SYNPR: variants seen among roughly 807,000 people sequenced by gnomAD.
The protein encoded by SYNPR is synaptoporin.
A neutral mutation model predicts 32.9 loss-of-function variants in SYNPR; 23 were observed. The observed-to-expected ratio is 0.70, with a 90% CI of 0.50 to 0.99. The LOEUF (loss-of-function observed/expected upper bound fraction) is 0.99. SYNPR is among the 50% of genes least tolerant of loss of function. The pLI is 0.00. For synonymous variants in SYNPR, 146 were observed against 135.9 expected, an observed-to-expected ratio of 1.07 and a Z score of -0.52; for missense variants, 318 against 349.3, an observed-to-expected ratio of 0.91 and a Z score of 0.71.
At chr3:63,367,689 T>C (rs909176572) in intron 2 of SYNPR, among the ~76,000 whole-genome samples, 1 of 152,178 alleles carries the variant, frequency 6.6e-6, no homozygotes, top group Admixed American at 6.5e-5. Flanking sequence ...ATTCATGAGC[T>C]AGTTACCAAT....
chr3:63,532,452 G>A (rs560583360), intron 3 of SYNPR, among the ~76,000 whole-genome samples: 63 of 152,278 alleles, frequency 4.1e-4, no homozygotes, highest in South Asian at 2.9e-3. Context: ...TCCTTTCTCT[G>A]CTAAAATAAA....
At chr3:63,414,830 T>C (rs182484296) in intron 2 of SYNPR, among the ~76,000 whole-genome samples, 3 of 152,232 alleles carry the variant, frequency 2.0e-5, no homozygotes, top group African/African-American at 7.2e-5. Flanking sequence ...GTGTTTATGC[T>C]GAAGTCTTCT....
chr3:63,545,693 T>A lies in SYNPR; in HGVS notation c.210-10850T>A, dbSNP rs550261393. On this transcript the variant is annotated intron_variant, in intron 3 of 5. Transcript: ENST00000478300. The stretch of plus-strand genomic sequence containing the variant: ...AGCAAACAGTATATTAAAGATTGTG[T>A]TTAATTTCAGTGTTTTAAGTTGTTA... Among the ~76,000 whole-genome samples the A allele has an allele frequency of 1.4e-4, 22 of 152,250 alleles. No individual in the cohort carries two copies. In the South Asian group the frequency reaches 4.1e-3, roughly 29 times the overall value.
Position 63,615,269 on chromosome 3 carries a change from T to C in SYNPR, c.646T>C (p.Phe216Leu). Residue 216 changes from phenylalanine to leucine, a missense_variant, in exon 6 of 6, where the codon TTT (phenylalanine) becomes CTT (leucine). Transcript: ENST00000478300. ...TATTCTCTGGGCTGGAAACATATGG[T>C]TTGTTTTCAAGGAGACCGGCTGGCA... ...NFILWAGNIW[F>L]VFKETGWHSS... 1 of 1,613,808 alleles carries C rather than the reference T, an allele frequency of 6.2e-7. No homozygotes were observed. The highest frequency in any genetic ancestry group is 8.5e-7 in the Non-Finnish European group (1 of 1,179,782).
intron 3 of SYNPR, among the ~76,000 whole-genome samples, chr3:63,519,295 G>A (rs923212130): frequency 5.3e-5 from 8 of 152,098 alleles, no homozygotes; most frequent in African/African-American, 1.9e-4. Flanking sequence ...ATATAATTGT[G>A]AAACCATGAA....
the SYNPR span, among the ~76,000 whole-genome samples, chr3:63,209,771 G>A: frequency 6.6e-6 from 1 of 152,094 alleles, no homozygotes; most frequent in African/African-American, 2.4e-5. Flanking sequence ...CACGCTCATA[G>A]CATCCTAAAC....
At chr3:63,463,606 T>C (rs1159161576) in intron 2 of SYNPR, among the ~76,000 whole-genome samples, 1 of 152,184 alleles carries the variant, frequency 6.6e-6, no homozygotes, top group Non-Finnish European at 1.5e-5. Context: ...GGTTGGTCTG[T>C]TAGAGAATCC....
At chr3:63,382,545 G>A (rs1238405365) in intron 2 of SYNPR, among the ~76,000 whole-genome samples, 2 of 152,192 alleles carry the variant, frequency 1.3e-5, no homozygotes, top group Non-Finnish European at 2.9e-5. Flanking sequence ...GAAGGCTTTT[G>A]TTGGAACTTT....
At chr3:63,540,883 A>G (rs946940516) in intron 3 of SYNPR, among the ~76,000 whole-genome samples, 7 of 123,898 alleles carry the variant, frequency 5.6e-5, no homozygotes, top group Admixed American at 5.5e-4. Flanking sequence ...TTCACCTCCT[A>G]TCACTCCTAC....
At chr3:63,500,859 A>G (rs1445754249) in intron 3 of SYNPR, among the ~76,000 whole-genome samples, 1 of 152,164 alleles carries the variant, frequency 6.6e-6, no homozygotes, top group Non-Finnish European at 1.5e-5. Context: ...AAAATAAACT[A>G]TACATTATAG....
At chr3:63,408,050 T>C (rs1276905551) in intron 2 of SYNPR, among the ~76,000 whole-genome samples, 1 of 151,202 alleles carries the variant, frequency 6.6e-6, no homozygotes, top group Non-Finnish European at 1.5e-5. Flanking sequence ...GTTTCCCTAA[T>C]GGCAGTGGAA....
chr3:63,320,245 C>T (rs1195687612), intron 2 of SYNPR, among the ~76,000 whole-genome samples: 2 of 152,034 alleles, frequency 1.3e-5, no homozygotes, highest in East Asian at 1.9e-4. Context: ...GCCACCATGC[C>T]TGGCCTACAT....
chr3:63,283,515 CT>C (rs1240622263), intron 2 of SYNPR, among the ~76,000 whole-genome samples: 2 of 151,984 alleles, frequency 1.3e-5, no homozygotes, highest in Non-Finnish European at 2.9e-5. Context: ...TCCAGCAAAT[CT>C]TTTAAACCAT....
intron 3 of SYNPR, among the ~76,000 whole-genome samples, chr3:63,484,692 G>T (rs995021546): frequency 5.9e-5 from 9 of 152,158 alleles, no homozygotes; most frequent in Non-Finnish European, 1.3e-4. Context: ...CTGTGAAGGA[G>T]GCTACTATTT....
Position 63,278,465 on chromosome 3 carries a change from A to G in SYNPR, c.-69A>G, listed in dbSNP as rs2086596651. ...CCCGAAGGGGCTTCTGGCCCTGAGG[A>G]CGGTGGTGCCAAGCGAACTTCATTT... On this transcript the variant is annotated 5_prime_UTR_variant, in exon 1 of 6. Coordinates refer to ENST00000478300, the MANE Select transcript of SYNPR (RefSeq NM_001130003.2). The G allele has an allele frequency of 6.6e-7, 1 of 1,511,836 alleles. No individual in the cohort carries two copies. The highest frequency in any genetic ancestry group is 1.4e-5 in the African/African-American group (1 of 71,806). 93.7% of individuals were successfully genotyped at this position (1,511,836 alleles called of 1,614,324 possible).
chr3:63,331,263 C>A (rs1318515901), intron 2 of SYNPR, among the ~76,000 whole-genome samples: 1 of 152,182 alleles, frequency 6.6e-6, no homozygotes, highest in Non-Finnish European at 1.5e-5. Context: ...TATTGCCGTT[C>A]TAGGATTAAA....
Position 63,609,181 on chromosome 3 carries a change from G to A in SYNPR, c.465G>A (p.Trp155Ter), listed in dbSNP as rs1229753309. The A allele has an allele frequency of 2.5e-6, 4 of 1,611,370 alleles. No homozygotes were observed. Among genetic ancestry groups the A allele is most frequent in the Non-Finnish European group, 3.4e-6 (4 of 1,178,754 alleles). Residue 155 changes from tryptophan (W) to a stop codon, truncating the protein, a stop_gained, in exon 5 of 6, where the codon TGG becomes TGA. Transcript: ENST00000478300. LOFTEE classifies it high-confidence loss of function. ...SFLWLVGSSA[W>*]AKGLSDVKVA... is the part of the protein sequence containing the mutation. ...TGTGGTTGGTGGGTTCATCAGCTTG[G>A]GCAAAAGGACTGTCTGACGTCAAAG...
rs187172736 is a variant in SYNPR, at chr3:63,398,591, A to G, written c.85-82241A>G. On this transcript the variant is annotated intron_variant, in intron 2 of 5. Coordinates refer to ENST00000478300, the MANE Select transcript of SYNPR (RefSeq NM_001130003.2). ...AAATTAGCCGGGCACAGTGGTGGGC[A>G]CCTGTACTCCCAGCTGCTCAGGAGG... Among the ~76,000 whole-genome samples the G allele has an allele frequency of 1.6e-3, 246 of 152,034 alleles. 4 individuals are homozygous for G. Among genetic ancestry groups the G allele is most frequent in the Middle Eastern group, 0.01 (3 of 294 alleles).
chr3:63,486,465 C>T (rs746110166), intron 3 of SYNPR, among the ~76,000 whole-genome samples: 2 of 152,130 alleles, frequency 1.3e-5, no homozygotes, highest in Non-Finnish European at 2.9e-5. Context: ...ATTAACACAC[C>T]TTTCATTATC....
Sources: allele counts gnomAD v4.1 joint callset (sites outside exome capture counted in the v4.1 genomes callset), GRCh38; gene constraint gnomAD v4.1.1; transcripts MANE v1.5; gene names NCBI Gene and HGNC (gene_info 2026-07-23, HGNC 2026-07-21).